PSPC1: variants seen among roughly 807,000 people sequenced by gnomAD.
The protein encoded by PSPC1 is paraspeckle protein 1.
In PSPC1, 14 loss-of-function variants were observed where a neutral mutation model predicts 51.6. The ratio of observed to expected loss-of-function variants is 0.27; its 90% CI spans 0.18 to 0.42. The LOEUF (loss-of-function observed/expected upper bound fraction) is 0.42, where lower values mean the gene tolerates loss of function less well. Among genes scored for constraint, PSPC1 ranks in the 10% least tolerant of loss-of-function variants. The pLI, the probability that PSPC1 is intolerant of heterozygous loss-of-function variation, is 1.00. For missense variants in PSPC1, 406 were observed against 701.1 expected, an observed-to-expected ratio of 0.58 and a Z score of 4.75; for synonymous variants, 193 against 231.9, an observed-to-expected ratio of 0.83 and a Z score of 1.53.
chr13:19,713,624 T>A (rs889137818), intron 6 of PSPC1, among the ~76,000 whole-genome samples: 1 of 151,940 alleles, frequency 6.6e-6, no homozygotes, highest in African/African-American at 2.4e-5. Context: ...TTGCGGTATT[T>A]ATAAGATTGT....
intron 2 of PSPC1, among the ~76,000 whole-genome samples, chr13:19,768,582 A>C (rs1347710582): frequency 1.3e-5 from 2 of 150,678 alleles, no homozygotes; most frequent in Non-Finnish European, 3.0e-5. Flanking sequence ...CGGGAGGCAG[A>C]GCTTGCAGTG....
At position 19,761,216 on chromosome 13, in the gene PSPC1, T is replaced by C. The variant is rs145652691; in HGVS notation, c.675-1798A>G. Among the ~76,000 whole-genome samples the C allele has an allele frequency of 1.5e-3, 235 of 152,070 alleles. 2 individuals carry two copies. The highest frequency in any genetic ancestry group is 5.4e-3 in the African/African-American group (226 of 41,502). ...AAGGGAAGGCAGAAGACACCAGACA[T>C]TCAAGGAGAAAAGCTGGGATAAGGA... On this transcript the variant is annotated intron_variant, in intron 2 of 8. Coordinates refer to ENST00000338910, the MANE Select transcript of PSPC1 (RefSeq NM_001354909.2).
intron 6 of PSPC1, among the ~76,000 whole-genome samples, chr13:19,689,166 G>A (rs1451189652): frequency 6.6e-6 from 1 of 152,176 alleles, no homozygotes; most frequent in Admixed American, 6.5e-5. Flanking sequence ...AAGCACTGAG[G>A]TCTGAAGGGT....
At position 19,736,449 on chromosome 13, in the gene PSPC1, C is replaced by A. The variant is rs376478959; in HGVS notation, c.1052+5116G>T. On this transcript the variant is annotated intron_variant, in intron 5 of 8. Transcript: ENST00000338910. ...CTGTAATCCCAGCACTTTGGGAGGC[C>A]GAGGCGGGCGGATCACAAGGTCAGC... is the stretch of plus-strand genomic sequence containing the variant. Among the ~76,000 whole-genome samples, 6 of 152,028 alleles carry A rather than the reference C, an allele frequency of 3.9e-5. No homozygotes were observed. The East Asian group carries it at 7.8e-4, about 20-fold the overall frequency.
At chr13:19,744,818 C>A (rs192100949) in intron 4 of PSPC1, among the ~76,000 whole-genome samples, 2 of 152,294 alleles carry the variant, frequency 1.3e-5, no homozygotes, top group African/African-American at 4.8e-5. Flanking sequence ...CCGCCTTGGC[C>A]TTCCAAAGTG....
intron 2 of PSPC1, among the ~76,000 whole-genome samples, chr13:19,767,092 TAAGGCCAAGAGTTC>T (rs893238865): frequency 8.6e-5 from 13 of 151,784 alleles, no homozygotes; most frequent in African/African-American, 2.7e-4. Context: ...GCACATCACC[TAAGGCCAAGAGTTC>T]AAGACCAGCC....
chr13:19,756,602 C>G (rs1193751366), intron 3 of PSPC1, among the ~76,000 whole-genome samples: 1 of 151,890 alleles, frequency 6.6e-6, no homozygotes, highest in Non-Finnish European at 1.5e-5. Context: ...TGGGTTCAAG[C>G]AATTCTCCCG....
intron 6 of PSPC1, among the ~76,000 whole-genome samples, chr13:19,681,173 C>T (rs886124276): frequency 1.3e-5 from 2 of 152,058 alleles, no homozygotes; most frequent in Non-Finnish European, 1.5e-5. Context: ...TATGATCAAG[C>T]CACTGCACTC....
intron 6 of PSPC1, among the ~76,000 whole-genome samples, chr13:19,723,453 C>A (rs1883013247): frequency 6.6e-6 from 1 of 152,108 alleles, no homozygotes; most frequent in African/African-American, 2.4e-5. Context: ...CTAACTATAC[C>A]TCCTGGTTCA....
At chr13:19,673,051 T>C, downstream of PSPC1, 1 of 439,864 alleles carries the variant, frequency 2.3e-6, no homozygotes, top group South Asian at 1.6e-5. Context: ...TGAGACCTTG[T>C]CTCAAAAAAA....
At chr13:19,675,611 C>G (rs1228769088) in intron 7 of PSPC1, 1 of 152,150 alleles carries the variant, frequency 6.6e-6, no homozygotes, top group Non-Finnish European at 1.5e-5. Flanking sequence ...TGTCTTGTTT[C>G]TCCTAGGTCA....
At chr13:19,730,115 C>T in intron 6 of PSPC1, 124 bp downstream of exon 6, 1 of 717,140 alleles carries the variant, frequency 1.4e-6, no homozygotes, top group East Asian at 2.6e-5. Context: ...ACTAATTTAT[C>T]AAACATGATG....
At chr13:19,774,845 A>AAAAAGC (rs1888949354) in intron 1 of PSPC1, among the ~76,000 whole-genome samples, 2 of 150,634 alleles carry the variant, frequency 1.3e-5, no homozygotes, top group African/African-American at 4.9e-5. Context: ...AAAGAAAAAG[A>AAAAAGC]AAGAAAGAAA....
chr13:19,685,707 AG>A (rs1877795412), intron 6 of PSPC1, among the ~76,000 whole-genome samples: 1 of 152,204 alleles, frequency 6.6e-6, no homozygotes, highest in Non-Finnish European at 1.5e-5. Flanking sequence ...CTGGAATAAG[AG>A]GGTGAAATAA....
chr13:19,707,494 C>T (rs542941163), intron 7 of PSPC1, among the ~76,000 whole-genome samples: 12 of 152,320 alleles, frequency 7.9e-5, no homozygotes, highest in African/African-American at 2.9e-4. Flanking sequence ...ACAGTTTTAA[C>T]TTCTCAACAA....
chr13:19,693,374 C>T (rs969241111), intron 6 of PSPC1, among the ~76,000 whole-genome samples: 1 of 152,190 alleles, frequency 6.6e-6, no homozygotes, highest in African/African-American at 2.4e-5. Flanking sequence ...TACATATACC[C>T]ATTAAACTAC....
rs375748514 is a variant in PSPC1 at position 19,768,368 on chromosome 13, A to C, written c.674+3874T>G. 4.7e-3 allele frequency among the ~76,000 whole-genome samples: 710 copies of C among 152,206 alleles called. 5 individuals are homozygous for C. Among genetic ancestry groups the C allele is most frequent in the South Asian group, 0.027 (128 of 4,822 alleles). ...CCCAATTAAAAATAACAAGCAGGGGACGGGCGTGGTGGCTCACGCCTGTAA... is the reference window on the plus strand; with the variant it reads ...CCCAATTAAAAATAACAAGCAGGGGCCGGGCGTGGTGGCTCACGCCTGTAA... On this transcript the variant is annotated intron_variant, in intron 2 of 8. Transcript: ENST00000338910.
intron 6 of PSPC1, among the ~76,000 whole-genome samples, chr13:19,714,563 T>G (rs956105550): frequency 1.3e-5 from 2 of 151,028 alleles, no homozygotes; most frequent in Non-Finnish European, 2.9e-5. Context: ...TGGCGTGATC[T>G]CAACTCATGC....
chr13:19,674,766 A>ATGTT, exon 8 of PSPC1: 1 of 152,344 alleles, frequency 6.6e-6, no homozygotes, highest in East Asian at 1.9e-4. Context: ...GAAGTTCGAA[A>ATGTT]TGTTTAATAT....
Sources: gnomAD v4.1 joint callset for allele counts (sites outside exome capture counted in the v4.1 genomes callset) on GRCh38, gnomAD v4.1.1 for gene constraint, MANE v1.5 for transcripts, NCBI Gene and HGNC (gene_info 2026-07-23, HGNC 2026-07-21) for gene names.